The following NRF1 variants were observed in gnomAD, a reference collection of about 807,000 sequenced individuals.
The protein encoded by NRF1 is nuclear respiratory factor 1.
In NRF1, 5 loss-of-function variants were observed where a neutral mutation model predicts 58.5. The ratio of observed to expected loss-of-function variants is 0.09; its 90% CI spans 0.04 to 0.18. NRF1 has a LOEUF of 0.18. NRF1 is among the 10% of genes least tolerant of loss of function. The pLI, the probability that NRF1 is intolerant of heterozygous loss-of-function variation, is 1.00. For missense variants in NRF1, 288 were observed against 657.7 expected (o/e 0.44, Z 6.15); for synonymous variants, 224 against 246.7 (o/e 0.91, Z 0.86).
intron 1 of NRF1, among the ~76,000 whole-genome samples, chr7:129,645,053 A>G (rs969920398): frequency 1.3e-5 from 2 of 152,126 alleles, no homozygotes; most frequent in African/African-American, 4.8e-5. Context: ...GTGTAAAAAA[A>G]AAAAAAAAAA....
At chr7:129,676,859 G>A (rs764609738) in intron 3 of NRF1, among the ~76,000 whole-genome samples, 1 of 152,122 alleles carries the variant, frequency 6.6e-6, no homozygotes, top group Non-Finnish European at 1.5e-5. Flanking sequence ...AGGTATGCTT[G>A]TAGTATTTTT....
intron 10 of NRF1, among the ~76,000 whole-genome samples, chr7:129,749,924 C>T (rs1804072841): frequency 6.6e-6 from 1 of 151,938 alleles, no homozygotes; most frequent in African/African-American, 2.4e-5. Flanking sequence ...GTGTGTAGCT[C>T]TGAAATACTA....
At chr7:129,702,564 G>A (rs2402976) in intron 5 of NRF1, among the ~76,000 whole-genome samples, 68,757 of 151,950 alleles carry the variant, frequency 0.45, 16,282 homozygotes, top group Non-Finnish European at 0.54. Flanking sequence ...CCAATATAGG[G>A]CAAATGAATC....
intron 7 of NRF1, among the ~76,000 whole-genome samples, chr7:129,711,273 T>A (rs1803066707): frequency 6.6e-6 from 1 of 152,206 alleles, no homozygotes. Context: ...TCATATGGAC[T>A]TATTTGGTTG....
intron 1 of NRF1, among the ~76,000 whole-genome samples, chr7:129,645,974 C>A (rs552342165): frequency 2.0e-5 from 3 of 152,220 alleles, no homozygotes; most frequent in Admixed American, 2.0e-4. Context: ...CTCAGCCTCC[C>A]GAGCAGCTGG....
chr7:129,674,760 T>C (rs1802137732), intron 3 of NRF1, among the ~76,000 whole-genome samples: 1 of 152,232 alleles, frequency 6.6e-6, no homozygotes, highest in Middle Eastern at 3.4e-3. Context: ...TGCTAAAAGA[T>C]GTTAGGGCTC....
chr7:129,732,266 C>T (rs1474542215), intron 10 of NRF1, among the ~76,000 whole-genome samples: 4 of 152,232 alleles, frequency 2.6e-5, no homozygotes, highest in Non-Finnish European at 5.9e-5. Flanking sequence ...CTCAGAAACA[C>T]TCTTCTGTCT....
At chr7:129,736,190 C>A (rs981652651) in intron 10 of NRF1, among the ~76,000 whole-genome samples, 4 of 151,954 alleles carry the variant, frequency 2.6e-5, no homozygotes, top group African/African-American at 9.7e-5. Flanking sequence ...CTTTTCACAT[C>A]CCTGTTTTCT....
chr7:129,753,526 T>C (rs1804173404), intron 10 of NRF1, among the ~76,000 whole-genome samples: 1 of 152,246 alleles, frequency 6.6e-6, no homozygotes, highest in Non-Finnish European at 1.5e-5. Flanking sequence ...CCTTTTTTCC[T>C]CATTCACTGT....
chr7:129,672,066 G>C (rs1802059947), intron 3 of NRF1, among the ~76,000 whole-genome samples: 2 of 152,100 alleles, frequency 1.3e-5, no homozygotes, highest in Admixed American at 1.3e-4. Flanking sequence ...GATGCTGGGG[G>C]GAAGAACATC....
At chr7:129,716,671 G>A (rs796889192) in intron 8 of NRF1, among the ~76,000 whole-genome samples, 13 of 152,190 alleles carry the variant, frequency 8.5e-5, no homozygotes, top group African/African-American at 2.9e-4. Context: ...AGGAGTTTGA[G>A]ACCAGCCTGG....
intron 8 of NRF1, 86 bp from the exon 9 acceptor site, chr7:129,717,133 A>G: frequency 7.2e-7 from 1 of 1,384,800 alleles, no homozygotes; most frequent in African/African-American, 1.5e-5. Context: ...GTATTTAGCC[A>G]AAAAGTAGCA....
At chr7:129,709,729 C>CTTT (rs71527924) in intron 6 of NRF1, among the ~76,000 whole-genome samples, 5 of 127,940 alleles carry the variant, frequency 3.9e-5, no homozygotes, top group Admixed American at 7.8e-5. Context: ...TCTTTTCTTT[C>CTTT]TTTTTTTTTT....
intron 1 of NRF1, among the ~76,000 whole-genome samples, chr7:129,636,991 T>C (rs1801180666): frequency 6.6e-6 from 1 of 152,170 alleles, no homozygotes. Flanking sequence ...CTATAATGCC[T>C]AGTAAGTAAA....
At chr7:129,676,641 T>C (rs1802186166) in intron 3 of NRF1, among the ~76,000 whole-genome samples, 1 of 152,154 alleles carries the variant, frequency 6.6e-6, no homozygotes, top group African/African-American at 2.4e-5. Context: ...CACAGATCAC[T>C]ATAACAGATT....
At chr7:129,754,308 A>G (rs1562995143) in intron 10 of NRF1, among the ~76,000 whole-genome samples, 2 of 151,098 alleles carry the variant, frequency 1.3e-5, no homozygotes, top group East Asian at 1.9e-4. Context: ...AAAAAAAAAA[A>G]TTATATTAGC....
chr7:129,655,770 C>T (rs1012965019), intron 1 of NRF1, among the ~76,000 whole-genome samples: 14 of 152,194 alleles, frequency 9.2e-5, no homozygotes, highest in Admixed American at 1.3e-4. Context: ...GATACACCTG[C>T]CTCGGCCTCC....
At chr7:129,703,698 C>G (rs577877556) in intron 5 of NRF1, among the ~76,000 whole-genome samples, 1 of 152,148 alleles carries the variant, frequency 6.6e-6, no homozygotes, top group Non-Finnish European at 1.5e-5. Flanking sequence ...CCTTTTACTT[C>G]TTTTGGTATA....
chr7:129,684,503 T>A (rs1802401629), intron 4 of NRF1, among the ~76,000 whole-genome samples: 1 of 152,072 alleles, frequency 6.6e-6, no homozygotes, highest in African/African-American at 2.4e-5. Context: ...TATACAAAAT[T>A]GGAAAAGTGA....
Sources: allele counts gnomAD v4.1 joint callset (sites outside exome capture counted in the v4.1 genomes callset), GRCh38; gene constraint gnomAD v4.1.1; transcripts MANE v1.5; gene names NCBI Gene and HGNC (gene_info 2026-07-23, HGNC 2026-07-21).